Variants in TCF4 observed in about 807,000 individuals in gnomAD.
TCF4 encodes transcription factor 4.
Under a neutral mutation model 82.1 loss-of-function variants are expected in TCF4, and 3 were observed. The observed-to-expected ratio is 0.04, with a 90% CI of 0.02 to 0.09. The LOEUF (loss-of-function observed/expected upper bound fraction) is 0.09. TCF4 is among the 10% of genes least tolerant of loss of function. The pLI is 1.00. For missense variants in TCF4, 518 were observed against 852.7 expected, an observed-to-expected ratio of 0.61 and a Z score of 4.89; for synonymous variants, 276 against 309.6, an observed-to-expected ratio of 0.89 and a Z score of 1.14.
intron 3 of TCF4, among the ~76,000 whole-genome samples, chr18:55,513,694 G>C (rs1261350406): frequency 6.6e-6 from 1 of 151,968 alleles, no homozygotes; most frequent in Non-Finnish European, 1.5e-5. Context: ...TACAGGATAT[G>C]ATTTTGCTTT....
intron 2 of TCF4, among the ~76,000 whole-genome samples, chr18:55,616,911 C>T (rs1234363638): frequency 6.6e-6 from 1 of 151,960 alleles, no homozygotes; most frequent in Admixed American, 6.6e-5. Flanking sequence ...TTGTTGTTTT[C>T]TTAGCTGTGC....
rs114520732 is a variant in TCF4 at position 55,605,735 on chromosome 18, C to T, written c.287-18599G>A. Among the ~76,000 whole-genome samples, 720 of 152,330 alleles carry T rather than the reference C, an allele frequency of 4.7e-3. 5 individuals carry two copies. Among genetic ancestry groups the T allele is most frequent in the African/African-American group, 0.016 (682 of 41,570 alleles). ...ACAATCACATATAGTTTCACACATA[C>T]TCCAAAACCTGATGAGGCAGATATT... On this transcript the variant is annotated intron_variant, in intron 2 of 20. Transcript: ENST00000398339.
At chr18:55,448,608 G>A (rs1486594218) in intron 5 of TCF4, among the ~76,000 whole-genome samples, 1 of 152,338 alleles carries the variant, frequency 6.6e-6, no homozygotes, top group East Asian at 1.9e-4. Context: ...AGGTGACTTA[G>A]GGGAGGCATC....
intron 5 of TCF4, among the ~76,000 whole-genome samples, chr18:55,447,602 C>T (rs2144209723): frequency 6.6e-6 from 1 of 152,192 alleles, no homozygotes; most frequent in East Asian, 1.9e-4. Flanking sequence ...TTTTGGGCAG[C>T]TTCTAGAATA....
intron 5 of TCF4, among the ~76,000 whole-genome samples, chr18:55,415,343 T>C (rs1363758126): frequency 6.6e-6 from 1 of 152,050 alleles, no homozygotes; most frequent in Non-Finnish European, 1.5e-5. Flanking sequence ...TCATGGTAAA[T>C]ATCTGATCAG....
At chr18:55,553,240 G>C (rs755915912) in intron 3 of TCF4, 1 of 152,122 alleles carries the variant, frequency 6.6e-6, no homozygotes, top group Non-Finnish European at 1.5e-5. Flanking sequence ...TCTTTTGGTG[G>C]TTTTGTTCAC....
intron 3 of TCF4, among the ~76,000 whole-genome samples, chr18:55,485,780 A>G (rs989773862): frequency 4.6e-5 from 7 of 152,248 alleles, no homozygotes; most frequent in Admixed American, 6.5e-5. Context: ...CTGGGAAGAC[A>G]GTCTACAGCT....
chr18:55,546,102 GA>G (rs1568365891), intron 3 of TCF4, among the ~76,000 whole-genome samples: 1 of 152,100 alleles, frequency 6.6e-6, no homozygotes, highest in Non-Finnish European at 1.5e-5. Flanking sequence ...TTGGGAGGCC[GA>G]GGCAGGAGAA....
intron 3 of TCF4, among the ~76,000 whole-genome samples, chr18:55,469,394 G>T (rs1440942012): frequency 6.6e-6 from 1 of 152,030 alleles, no homozygotes; most frequent in East Asian, 1.9e-4. Context: ...AACCCAGGAG[G>T]TGGAGGTTGC....
chr18:55,386,409 G>A (rs576246302), intron 6 of TCF4, among the ~76,000 whole-genome samples: 2 of 152,184 alleles, frequency 1.3e-5, no homozygotes, highest in East Asian at 3.9e-4. Context: ...TCTTCTGACC[G>A]AAAGCTTTTT....
At chr18:55,428,266 C>G (rs990111779) in intron 5 of TCF4, among the ~76,000 whole-genome samples, 2 of 152,192 alleles carry the variant, frequency 1.3e-5, no homozygotes, top group Admixed American at 1.3e-4. Context: ...CCTTCTCTCC[C>G]AGTCCCTGGC....
In TCF4 at chr18:55,562,761, A is replaced by T. The variant is rs577778409; in HGVS notation, c.145+22519T>A. On this transcript the variant is annotated intron_variant, in intron 3 of 19. Transcript: ENST00000354452. Reference sequence around the variant, plus strand: ...ATTTTTCTTTATAAATAATTAACTTAAAAAAATAAACAACTTAGCCTTCTA... The same window carrying T: ...ATTTTTCTTTATAAATAATTAACTTTAAAAAATAAACAACTTAGCCTTCTA... 5.3e-5 allele frequency among the ~76,000 whole-genome samples: 8 copies of T among 152,328 alleles called. No individual in the cohort carries two copies. In the East Asian group the frequency reaches 9.6e-4, roughly 18 times the overall value.
At chr18:55,317,474 T>TA (rs1424292127) in intron 8 of TCF4, among the ~76,000 whole-genome samples, 2 of 152,100 alleles carry the variant, frequency 1.3e-5, no homozygotes, top group Admixed American at 1.3e-4. Flanking sequence ...CTGGAAACTT[T>TA]AAAACCCAGT....
chr18:55,564,166 G>A (rs546170425), intron 3 of TCF4, among the ~76,000 whole-genome samples: 107 of 152,298 alleles, frequency 7.0e-4, no homozygotes, highest in Non-Finnish European at 2.9e-5. Context: ...ATGTGCAAAG[G>A]CCCTGAATCA....
intron 3 of TCF4, among the ~76,000 whole-genome samples, chr18:55,533,604 C>T (rs183027954): frequency 6.4e-4 from 97 of 152,294 alleles, no homozygotes; most frequent in African/African-American, 2.2e-3. Flanking sequence ...TAGACCTTCT[C>T]CAACCTTTCT....
intron 3 of TCF4, chr18:55,495,965 G>C (rs12606695): frequency 6.6e-6 from 1 of 152,074 alleles, no homozygotes; most frequent in African/African-American, 2.4e-5. Flanking sequence ...TCCAAGAGTC[G>C]TCTGAGTTCT....
chr18:55,357,708 C>T (rs974256292), intron 6 of TCF4, among the ~76,000 whole-genome samples: 3 of 152,012 alleles, frequency 2.0e-5, no homozygotes, highest in Non-Finnish European at 4.4e-5. Flanking sequence ...AATATCTGCC[C>T]CTCTGAGCAA....
At chr18:55,258,867 AG>A (rs751456824) in intron 13 of TCF4, among the ~76,000 whole-genome samples, 64 of 152,094 alleles carry the variant, frequency 4.2e-4, no homozygotes, top group Admixed American at 1.3e-3. Context: ...TATTTCCACC[AG>A]GGGGAACGTT....
intron 5 of TCF4, among the ~76,000 whole-genome samples, chr18:55,437,687 C>G (rs1228589009): frequency 6.6e-6 from 1 of 152,202 alleles, no homozygotes; most frequent in Non-Finnish European, 1.5e-5. Context: ...GCCCAGGCCT[C>G]TAAACACAGA....
Sources: allele counts gnomAD v4.1 joint callset (sites outside exome capture counted in the v4.1 genomes callset), GRCh38; gene constraint gnomAD v4.1.1; transcripts MANE v1.5; gene names NCBI Gene and HGNC (gene_info 2026-07-23, HGNC 2026-07-21).